The following GAS2 variants were observed in gnomAD, a reference collection of about 807,000 sequenced individuals.
The protein encoded by GAS2 is growth arrest specific 2, also known as growth arrest-specific protein 2.
GAS2 carries 20 observed loss-of-function variants against 37.5 expected under a neutral mutation model. The ratio of observed to expected loss-of-function variants is 0.53; its 90% confidence interval spans 0.37 to 0.77. GAS2 has a LOEUF of 0.77. Ranked by LOEUF, GAS2 falls within the 30% of genes least tolerant of loss-of-function variation. The pLI is 0.00. For missense variants in GAS2, 336 were observed against 373.4 expected (o/e 0.90, Z 0.82); for synonymous variants, 144 against 132.2 (o/e 1.09, Z -0.61).
At position 22,712,728 on chromosome 11, in the gene GAS2, A is replaced by G. The variant is rs1377976825; in HGVS notation, c.268-13564A>G. On this transcript the variant is annotated intron_variant, in intron 3 of 7. Coordinates refer to ENST00000454584, the MANE Select transcript of GAS2 (RefSeq NM_001143830.3). ...CTGAAATGCCAGAAAAAGAATTCAG[A>G]AAGTTGATTATTAAGCTTCTCAAGG... Among the ~76,000 whole-genome samples the G allele has an allele frequency of 4.6e-5, 7 of 152,182 alleles. No homozygotes were observed. In the South Asian group the frequency reaches 6.2e-4, roughly 14 times the overall value.
At chr11:22,688,254 T>TA (rs1850063578) in intron 3 of GAS2, 1 of 152,182 alleles carries the variant, frequency 6.6e-6, no homozygotes, top group Admixed American at 6.5e-5. Flanking sequence ...GGGCTCTTGA[T>TA]AAAATCTCTT....
chr11:22,801,030 T>C (rs1009519330), intron 7 of GAS2, among the ~76,000 whole-genome samples: 33 of 152,088 alleles, frequency 2.2e-4, no homozygotes, highest in African/African-American at 8.0e-4. Context: ...TACATGAATG[T>C]AGACTTTACC....
In GAS2 at chr11:22,636,679, C is replaced by T. The variant is rs116713001; in HGVS notation, c.-21+10866C>T. Reference sequence around the variant, plus strand: ...TGTTAATCAATTAGGCCTAGAGGATCTAGTGAAAACTTTTATGACTTTCTT... The same window carrying T: ...TGTTAATCAATTAGGCCTAGAGGATTTAGTGAAAACTTTTATGACTTTCTT... On this transcript the variant is annotated intron_variant, in intron 1 of 5. Coordinates refer to the GAS2 transcript ENST00000528582. Among the ~76,000 whole-genome samples, 1,081 of 152,028 alleles carry T rather than the reference C, an allele frequency of 7.1e-3. 10 individuals carry two copies. Among genetic ancestry groups the T allele is most frequent in the African/African-American group, 0.025 (1,021 of 41,470 alleles).
At chr11:22,697,006 G>T (rs1393755052) in intron 3 of GAS2, among the ~76,000 whole-genome samples, 1 of 151,270 alleles carries the variant, frequency 6.6e-6, no homozygotes, top group Non-Finnish European at 1.5e-5. Flanking sequence ...TTTTAGACAT[G>T]AAGTCCTTGC....
intron 1 of GAS2, among the ~76,000 whole-genome samples, chr11:22,649,818 A>T (rs1354453398): frequency 6.7e-6 from 1 of 149,444 alleles, no homozygotes; most frequent in African/African-American, 2.5e-5. Flanking sequence ...TTTTTTCTTT[A>T]TTAGTCTTGC....
chr11:22,741,533 T>TTTA (rs1456286843), intron 5 of GAS2, among the ~76,000 whole-genome samples: 1 of 152,162 alleles, frequency 6.6e-6, no homozygotes, highest in East Asian at 1.9e-4. Context: ...TTTTATGAAT[T>TTTA]TTATTTTTTA....
intron 1 of GAS2, among the ~76,000 whole-genome samples, chr11:22,630,193 G>A (rs1858724864): frequency 6.6e-6 from 1 of 151,950 alleles, no homozygotes; most frequent in Non-Finnish European, 1.5e-5. Context: ...GCTTTCCCTT[G>A]ACCCTTCCCC....
At chr11:22,758,385 T>C (rs1318638461) in intron 7 of GAS2, among the ~76,000 whole-genome samples, 3 of 152,356 alleles carry the variant, frequency 2.0e-5, no homozygotes, top group Middle Eastern at 3.4e-3. Flanking sequence ...TTACTGACAG[T>C]ATTTATGTAT....
intron 7 of GAS2, among the ~76,000 whole-genome samples, chr11:22,773,880 A>G (rs576799036): frequency 1.2e-4 from 18 of 152,278 alleles, no homozygotes; most frequent in African/African-American, 4.1e-4. Flanking sequence ...CAATTTTCAC[A>G]TAGCCAGAGG....
intron 5 of GAS2, among the ~76,000 whole-genome samples, chr11:22,739,748 A>C (rs566809640): frequency 6.6e-6 from 1 of 151,990 alleles, no homozygotes; most frequent in Admixed American, 6.5e-5. Context: ...ACTTTTTTTT[A>C]GTTGACTATC....
intron 3 of GAS2, among the ~76,000 whole-genome samples, chr11:22,689,140 G>A (rs1039627183): frequency 2.0e-5 from 3 of 152,066 alleles, no homozygotes; most frequent in African/African-American, 4.8e-5. Context: ...CAGGAAGGGC[G>A]GCAAGAGGGT....
At position 22,795,277 on chromosome 11, in the gene GAS2, T is replaced by C. The variant is rs147248207; in HGVS notation, c.724-16521T>C. Among the ~76,000 whole-genome samples the C allele has an allele frequency of 6.4e-4, 97 of 152,288 alleles. No homozygotes were observed. The Middle Eastern group carries it at 0.01, about 16-fold the overall frequency. On this transcript the variant is annotated intron_variant, in intron 7 of 7. Transcript: ENST00000454584. ...TGTGTGTCCTGGTATTTTTATATGC[T>C]AAATATGACAACCCTAGCTGGGAGG...
chr11:22,691,564 A>G (rs568715082), intron 3 of GAS2, among the ~76,000 whole-genome samples: 2 of 152,326 alleles, frequency 1.3e-5, no homozygotes, highest in African/African-American at 2.4e-5. Flanking sequence ...ATTGCTGGCT[A>G]TACAGCTAAA....
chr11:22,734,097 G>A (rs1290829269), intron 4 of GAS2, among the ~76,000 whole-genome samples: 1 of 151,716 alleles, frequency 6.6e-6, no homozygotes, highest in Admixed American at 6.6e-5. Context: ...ATAGTTGCCT[G>A]TCTAATTATC....
intron 2 of GAS2, among the ~76,000 whole-genome samples, chr11:22,682,409 A>G (rs2928340): frequency 6.6e-6 from 1 of 152,140 alleles, no homozygotes; most frequent in Non-Finnish European, 1.5e-5. Context: ...ATAAGAATAC[A>G]TAAAGATCTA....
At chr11:22,777,908 T>C (rs1855344248) in intron 7 of GAS2, among the ~76,000 whole-genome samples, 1 of 152,200 alleles carries the variant, frequency 6.6e-6, no homozygotes, top group Non-Finnish European at 1.5e-5. Context: ...CCAAAGGCAA[T>C]TCTGCCAATT....
At chr11:22,720,227 A>T (rs1043906126) in intron 3 of GAS2, among the ~76,000 whole-genome samples, 2 of 151,998 alleles carry the variant, frequency 1.3e-5, no homozygotes, top group East Asian at 3.9e-4. Flanking sequence ...TAAAATTTTG[A>T]TCTAAGATCT....
chr11:22,737,806 G>C lies in GAS2; in HGVS notation c.473+38G>C, dbSNP rs201829982. 3 of 1,577,472 alleles carry C rather than the reference G, an allele frequency of 1.9e-6. No individual in the cohort carries two copies. In the South Asian group the frequency reaches 3.3e-5, roughly 17 times the overall value. On this transcript the variant is annotated intron_variant, in intron 5 of 7. Transcript: ENST00000454584. Reference sequence around the variant, plus strand: ...ACTGCAACTATGTCAAGACATTGACGATTTCAGCATCCAAGCAACACAGAA... The same window carrying C: ...ACTGCAACTATGTCAAGACATTGACCATTTCAGCATCCAAGCAACACAGAA...
chr11:22,649,753 C>A (rs201778581), intron 1 of GAS2, among the ~76,000 whole-genome samples: 1 of 151,812 alleles, frequency 6.6e-6, no homozygotes, highest in Admixed American at 6.6e-5. Context: ...TCTGTGGGAT[C>A]GGTGGTGATA....
Sources: allele counts gnomAD v4.1 joint callset (sites outside exome capture counted in the v4.1 genomes callset), GRCh38; gene constraint gnomAD v4.1.1; transcripts MANE v1.5; gene names NCBI Gene and HGNC (gene_info 2026-07-23, HGNC 2026-07-21).